Variants in MPP7 observed in about 807,000 individuals in gnomAD.
The protein encoded by MPP7 is MAGUK p55 subfamily member 7.
In MPP7, 60 loss-of-function variants were observed where a neutral mutation model predicts 76.5. The ratio of observed to expected loss-of-function variants is 0.78; its 90% confidence interval spans 0.64 to 0.97. MPP7 has a LOEUF of 0.97. Ranked by LOEUF, MPP7 falls within the 50% of genes least tolerant of loss-of-function variation. The pLI, the probability that MPP7 is intolerant of heterozygous loss-of-function variation, is 0.00. For synonymous variants in MPP7, 237 were observed against 244.5 expected (o/e 0.97, Z 0.29); for missense variants, 641 against 694.0 (o/e 0.92, Z 0.86).
intron 6 of MPP7, among the ~76,000 whole-genome samples, chr10:28,128,922 C>T (rs1006185730): frequency 1.3e-5 from 2 of 152,202 alleles, no homozygotes; most frequent in African/African-American, 2.4e-5. Context: ...AGCACTCCAA[C>T]GCATAAGGGT....
intron 6 of MPP7, 71 bp from the exon 7 acceptor site, chr10:28,125,162 G>T: frequency 1.6e-6 from 2 of 1,275,144 alleles, no homozygotes; most frequent in Non-Finnish European, 2.3e-6. Flanking sequence ...GAGGAAATAA[G>T]GACATTCATC....
chr10:28,057,608 T>TG, intron 15 of MPP7: 1 of 220,248 alleles, frequency 4.5e-6, no homozygotes, highest in Non-Finnish European at 7.0e-6. Context: ...TAAACCTCTT[T>TG]TTTTTTTTTT....
intron 1 of MPP7, among the ~76,000 whole-genome samples, chr10:28,295,902 G>A (rs1051183925): frequency 6.6e-6 from 1 of 152,176 alleles, no homozygotes; most frequent in Admixed American, 6.5e-5. Context: ...TGTTGTTAAA[G>A]GGATGGAAGA....
chr10:28,083,170 G>A (rs1383047561), intron 12 of MPP7, among the ~76,000 whole-genome samples: 2 of 152,104 alleles, frequency 1.3e-5, no homozygotes, highest in African/African-American at 4.8e-5. Context: ...TAAAGAGATG[G>A]GGATTTCTCC....
intron 2 of MPP7, among the ~76,000 whole-genome samples, chr10:28,218,120 A>G (rs1468886759): frequency 6.6e-6 from 1 of 152,218 alleles, no homozygotes; most frequent in East Asian, 1.9e-4. Flanking sequence ...AGTTGAAAGT[A>G]GCAGTGATAG....
At chr10:28,145,721 A>G (rs1835681298) in intron 5 of MPP7, among the ~76,000 whole-genome samples, 1 of 152,254 alleles carries the variant, frequency 6.6e-6, no homozygotes, top group Non-Finnish European at 1.5e-5. Context: ...TTTTCTACAC[A>G]TATGAATATA....
At chr10:28,295,686 A>C (rs980581931) in intron 1 of MPP7, among the ~76,000 whole-genome samples, 1 of 152,246 alleles carries the variant, frequency 6.6e-6, no homozygotes, top group African/African-American at 2.4e-5. Flanking sequence ...ATTACACATC[A>C]GACCCTCTGA....
In MPP7 at chr10:28,068,672, C is replaced by T. The variant is rs555536946; in HGVS notation, c.1204+1100G>A. ...TGAAAAGCCCATTTAACATCATCTGCCAATTACTACATATAAAAAGTAATT... is the reference window on the plus strand; with the variant it reads ...TGAAAAGCCCATTTAACATCATCTGTCAATTACTACATATAAAAAGTAATT... On this transcript the variant is annotated intron_variant, in intron 13 of 16. Transcript: ENST00000683449. Among the ~76,000 whole-genome samples the T allele has an allele frequency of 3.1e-4, 47 of 152,170 alleles. No individual in the cohort carries two copies. In the South Asian group the frequency reaches 6.6e-3, roughly 22 times the overall value.
At chr10:28,101,551 AC>A (rs1588769266) in intron 11 of MPP7, among the ~76,000 whole-genome samples, 1 of 152,154 alleles carries the variant, frequency 6.6e-6, no homozygotes, top group African/African-American at 2.4e-5. Flanking sequence ...CTCTTAACTT[AC>A]ATTAAGTCCC....
At chr10:28,063,461 CA>C (rs760077416) in intron 13 of MPP7, among the ~76,000 whole-genome samples, 3,325 of 109,554 alleles carry the variant, frequency 0.03, 100 homozygotes, top group African/African-American at 0.093. Flanking sequence ...GACTCTGTCT[CA>C]AAAAAAAAAA....
rs185832680 is a variant in MPP7, at chr10:28,088,098, G to C, written c.1123+1573C>G. Among the ~76,000 whole-genome samples the C allele has an allele frequency of 2.0e-4, 30 of 152,258 alleles. No individual in the cohort carries two copies. The East Asian group carries it at 5.8e-3, about 29-fold the overall frequency. ...TCACTTCCAGGACCTACAGATGTGA[G>C]AAATTGCATCATTTCCCATGAGTCA... On this transcript the variant is annotated intron_variant, in intron 12 of 16. Coordinates refer to ENST00000683449, the MANE Select transcript of MPP7 (RefSeq NM_001318170.2).
chr10:28,088,884 TTTTTA>T (rs1853149191), intron 12 of MPP7, among the ~76,000 whole-genome samples: 1 of 152,158 alleles, frequency 6.6e-6, no homozygotes, highest in Admixed American at 6.5e-5. Flanking sequence ...ATTAACTGCC[TTTTTA>T]TTTTGAGACA....
At chr10:28,166,813 C>A (rs1214920873) in intron 3 of MPP7, among the ~76,000 whole-genome samples, 2 of 152,104 alleles carry the variant, frequency 1.3e-5, no homozygotes, top group African/African-American at 2.4e-5. Flanking sequence ...AAAATGGTAT[C>A]GAGCTGTAAG....
At chr10:28,308,258 G>C (rs2133171409) in intron 2 of MPP7, among the ~76,000 whole-genome samples, 1 of 152,266 alleles carries the variant, frequency 6.6e-6, no homozygotes, top group South Asian at 2.1e-4. Flanking sequence ...GCTGTGTGCA[G>C]ACTGGTCTTC....
chr10:28,259,381 C>T (rs997788960), intron 1 of MPP7, among the ~76,000 whole-genome samples: 1 of 151,926 alleles, frequency 6.6e-6, no homozygotes, highest in African/African-American at 2.4e-5. Context: ...GAGTTCGAGA[C>T]CAGCCTGGGC....
chr10:28,213,015 G>T (rs1351754357), intron 2 of MPP7, among the ~76,000 whole-genome samples: 1 of 152,102 alleles, frequency 6.6e-6, no homozygotes, highest in Non-Finnish European at 1.5e-5. Context: ...TCAGAGCTCA[G>T]TGCAGCCTTG....
chr10:28,229,511 G>A (rs1194741548), intron 2 of MPP7, among the ~76,000 whole-genome samples: 1 of 152,206 alleles, frequency 6.6e-6, no homozygotes, highest in Non-Finnish European at 1.5e-5. Flanking sequence ...AACCATGGTG[G>A]ATGAAAATGC....
intron 3 of MPP7, among the ~76,000 whole-genome samples, chr10:28,155,781 C>A (rs948512453): frequency 6.2e-4 from 94 of 151,668 alleles, no homozygotes; most frequent in Admixed American, 2.0e-3. Context: ...AAAAAAAAAA[C>A]AAAACAAAAC....
chr10:28,112,649 CAG>C (rs1348016554), intron 11 of MPP7, among the ~76,000 whole-genome samples: 1 of 150,774 alleles, frequency 6.6e-6, no homozygotes. Flanking sequence ...GAAAAGGAAA[CAG>C]AATTTCTCAG....
Sources: gnomAD v4.1 joint callset for allele counts (sites outside exome capture counted in the v4.1 genomes callset) on GRCh38, gnomAD v4.1.1 for gene constraint, MANE v1.5 for transcripts, NCBI Gene and HGNC (gene_info 2026-07-23, HGNC 2026-07-21) for gene names.